The following RASA3 variants were observed in gnomAD, a reference collection of about 807,000 sequenced individuals.
RASA3 encodes the protein RAS p21 protein activator 3.
Under a neutral mutation model 110.0 loss-of-function variants are expected in RASA3, and 73 were observed. That is an observed-to-expected ratio of 0.66 (90% CI 0.55 to 0.81). RASA3 has a LOEUF of 0.81. Ranked by LOEUF, RASA3 falls within the 30% of genes least tolerant of loss-of-function variation. The probability of loss-of-function intolerance (pLI) is 0.00; values close to 1 mark genes in which losing one functional copy is unlikely to be tolerated. For synonymous variants in RASA3, 500 were observed against 451.4 expected, an observed-to-expected ratio of 1.11 and a Z score of -1.37; for missense variants, 976 against 1,113.2, an observed-to-expected ratio of 0.88 and a Z score of 1.75.
chr13:114,017,393 G>A (rs201319921), intron 11 of RASA3, 42 bp from the exon 12 acceptor site: 256 of 1,527,918 alleles, frequency 1.7e-4, no homozygotes, highest in East Asian at 1.7e-3. Context: ...TCCTGGGGAC[G>A]CGGAAGTGCA....
chr13:114,083,016 G>T (rs2079807248), intron 1 of RASA3, among the ~76,000 whole-genome samples: 1 of 152,308 alleles, frequency 6.6e-6, no homozygotes, highest in East Asian at 1.9e-4. Flanking sequence ...TCTGCTAGCT[G>T]GTTCTCAAAA....
intron 20 of RASA3, among the ~76,000 whole-genome samples, chr13:113,997,200 G>A (rs1406137867): frequency 1.3e-5 from 2 of 152,168 alleles, no homozygotes; most frequent in Non-Finnish European, 2.9e-5. Flanking sequence ...ACCAGCCCAG[G>A]ATTCTTCCTC....
chr13:114,069,165 T>G (rs1332751804), intron 2 of RASA3, among the ~76,000 whole-genome samples: 1 of 152,084 alleles, frequency 6.6e-6, no homozygotes, highest in Admixed American at 6.5e-5. Context: ...CCGCCTTTCC[T>G]TCCTCACACA....
intron 21 of RASA3, among the ~76,000 whole-genome samples, chr13:113,993,719 A>T (rs1362376986): frequency 1.3e-5 from 2 of 150,226 alleles, no homozygotes; most frequent in Admixed American, 1.3e-4. Flanking sequence ...GAGGCAGGAG[A>T]ATCGCTTGAA....
Position 113,978,531 on chromosome 13 carries a change from C to G in RASA3, c.*816G>C, listed in dbSNP as rs1362050196. On this transcript the variant is annotated 3_prime_UTR_variant, in exon 24 of 24. Coordinates refer to ENST00000334062, the MANE Select transcript of RASA3 (RefSeq NM_007368.4). ...TGTACATTTCTATTTTTAAAATCTTCAAACTTCCACGGGGGGTGGCAAATG... is the reference window on the plus strand; with the variant it reads ...TGTACATTTCTATTTTTAAAATCTTGAAACTTCCACGGGGGGTGGCAAATG... 1 of 152,218 alleles carries G rather than the reference C, an allele frequency of 6.6e-6. No homozygotes were observed. The highest frequency in any genetic ancestry group is 1.5e-5 in the Non-Finnish European group (1 of 68,030). 9.4% of individuals were successfully genotyped at this position (152,218 alleles called of 1,614,324 possible). A position where few individuals can be genotyped will look rare whatever the true frequency, so the allele number is the denominator to read the frequency against.
At chr13:114,050,800 A>G (rs1413282921) in intron 3 of RASA3, among the ~76,000 whole-genome samples, 1 of 152,146 alleles carries the variant, frequency 6.6e-6, no homozygotes, top group Non-Finnish European at 1.5e-5. Context: ...CCGGCCGCCC[A>G]GTGGGGACAG....
rs371292295 is a variant in RASA3, at chr13:114,029,925, G to C, written c.373-38C>G. 335 of 1,525,056 alleles carry C rather than the reference G, an allele frequency of 2.2e-4. 1 individual carries two copies. Among genetic ancestry groups the C allele is most frequent in the Middle Eastern group, 8.0e-4 (4 of 5,014 alleles). The allele number at this position is 1,525,056 out of a possible 1,614,324, so 94.5% of individuals were successfully genotyped here. On this transcript the variant is annotated intron_variant, in intron 4 of 23. Coordinates refer to ENST00000334062, the MANE Select transcript of RASA3 (RefSeq NM_007368.4). The stretch of plus-strand genomic sequence containing the variant: ...AGGATGGGGTGTCAGAGGCTGTGGC[G>C]CTGCTCCCACAGGCCACTAGGGCCG...
At chr13:114,023,919 C>T (rs551147807) in intron 8 of RASA3, among the ~76,000 whole-genome samples, 2 of 152,312 alleles carry the variant, frequency 1.3e-5, no homozygotes, top group East Asian at 1.9e-4. Flanking sequence ...GGCCAGGCGT[C>T]GTGCTGACCC....
chr13:114,120,773 T>G (rs2139789094), intron 1 of RASA3, among the ~76,000 whole-genome samples: 2 of 152,316 alleles, frequency 1.3e-5, no homozygotes, highest in South Asian at 4.1e-4. Context: ...GATCAAACAC[T>G]CTCTTCTCCT....
At chr13:114,033,143 C>A (rs2054206857) in intron 4 of RASA3, among the ~76,000 whole-genome samples, 2 of 100,616 alleles carry the variant, frequency 2.0e-5, no homozygotes, top group African/African-American at 4.2e-5. Context: ...CGCACTGACA[C>A]CACACCCCAC....
At chr13:114,088,313 C>T (rs1279837108) in intron 1 of RASA3, among the ~76,000 whole-genome samples, 1 of 152,112 alleles carries the variant, frequency 6.6e-6, no homozygotes, top group Non-Finnish European at 1.5e-5. Flanking sequence ...AGCTGCACAC[C>T]CTTGAGCCAC....
intron 15 of RASA3, 142 bp downstream of exon 15, chr13:114,013,000 C>CCACTCACTCCTGATTCCT (rs2053674228): frequency 1.6e-6 from 1 of 641,358 alleles, no homozygotes; most frequent in Admixed American, 2.7e-5. Flanking sequence ...CACACACTCC[C>CCACTCACTCCTGATTCCT]CACTCACTCC....
intron 9 of RASA3, among the ~76,000 whole-genome samples, chr13:114,019,589 G>A (rs959734425): frequency 4.8e-4 from 72 of 148,670 alleles, no homozygotes; most frequent in African/African-American, 1.5e-3. Context: ...TAGCAGCCCG[G>A]TCAGGTTGGT....
At chr13:114,116,908 CGTGT>C (rs34996989) in intron 1 of RASA3, among the ~76,000 whole-genome samples, 1 of 98,556 alleles carries the variant, frequency 1.0e-5, no homozygotes, top group African/African-American at 4.1e-5. Context: ...GAGGGGTGCA[CGTGT>C]GTGAGGGGTG....
intron 1 of RASA3, among the ~76,000 whole-genome samples, chr13:114,089,782 C>G (rs996569875): frequency 6.6e-6 from 1 of 152,134 alleles, no homozygotes; most frequent in Non-Finnish European, 1.5e-5. Flanking sequence ...TTGACGCGAG[C>G]ATTTCCGTCC....
rs1318243887 is a variant in RASA3 at position 114,073,829 on chromosome 13, T to C, written c.64A>G (p.Lys22Glu). ...GGCCCCGGGTAAGAGGGAAGGTTTT[T>C]GGCTTCACCTAAAAAGTAAAAGCGA... The part of the protein sequence containing the change: ...QSVKIKIGEA[K>E]NLPSYPGPSK... Residue 22 changes from lysine (K) to glutamate (E), a missense_variant, in exon 2 of 24, where the codon AAA (lysine) becomes GAA (glutamate). Lys to Glu is a moderately conservative substitution (Grantham distance 56). This residue lies in a region of RASA3 where 732 missense variants were observed against 779.7 expected (regional missense o/e 0.94). Coordinates refer to ENST00000334062, the MANE Select transcript of RASA3 (RefSeq NM_007368.4). 1.2e-6 allele frequency: 2 copies of C among 1,613,890 alleles called. No individual in the cohort carries two copies. Among genetic ancestry groups the C allele is most frequent in the South Asian group, 1.1e-5 (1 of 91,084 alleles).
At chr13:114,122,360 C>A (rs2080389908) in intron 1 of RASA3, among the ~76,000 whole-genome samples, 1 of 152,236 alleles carries the variant, frequency 6.6e-6, no homozygotes. Context: ...CATGGCCAGT[C>A]CCCTGGGCTC....
At chr13:114,002,285 G>A (rs947220331) in intron 18 of RASA3, among the ~76,000 whole-genome samples, 3 of 152,230 alleles carry the variant, frequency 2.0e-5, no homozygotes, top group South Asian at 2.1e-4. Flanking sequence ...AGCTGTGGAC[G>A]CACACCGGAG....
At chr13:114,033,348 A>G (rs1174450551) in intron 4 of RASA3, among the ~76,000 whole-genome samples, 1 of 76,382 alleles carries the variant, frequency 1.3e-5, no homozygotes, top group African/African-American at 5.9e-5. Flanking sequence ...CCACACTGAC[A>G]CCACACCCCA....
Sources: allele counts gnomAD v4.1 joint callset (sites outside exome capture counted in the v4.1 genomes callset), GRCh38; gene constraint gnomAD v4.1.1; regional missense constraint gnomAD v4.1.1; transcripts MANE v1.5; gene names NCBI Gene and HGNC (gene_info 2026-07-23, HGNC 2026-07-21).